Variants in MED15 observed in about 807,000 individuals in gnomAD.
MED15 encodes the protein mediator of RNA polymerase II transcription subunit 15.
In MED15, 41 loss-of-function variants were observed where a neutral mutation model predicts 118.7. The observed-to-expected ratio is 0.35, with a 90% CI of 0.27 to 0.45. The LOEUF (loss-of-function observed/expected upper bound fraction) is 0.45. Ranked by LOEUF, MED15 falls within the 20% of genes least tolerant of loss-of-function variation. The probability of loss-of-function intolerance (pLI) is 1.00; values close to 1 mark genes in which losing one functional copy is unlikely to be tolerated. For synonymous variants in MED15, 436 were observed against 413.9 expected (o/e 1.05, Z -0.65); for missense variants, 740 against 1,025.5 (o/e 0.72, Z 3.80).
At chr22:20,566,938 C>G (rs995275855) in intron 7 of MED15, 121 bp downstream of exon 7, 2 of 1,509,860 alleles carry the variant, frequency 1.3e-6, no homozygotes. Flanking sequence ...TTCAGGCAGC[C>G]CCCACCCCTT....
chr22:20,568,105 T>C (rs2056508927), intron 7 of MED15, among the ~76,000 whole-genome samples: 1 of 152,200 alleles, frequency 6.6e-6, no homozygotes, highest in Non-Finnish European at 1.5e-5. Flanking sequence ...CCTCCCAGAA[T>C]GCTGAGAATA....
chr22:20,585,189 C>T lies in MED15; in HGVS notation c.2053C>T (p.Leu685=), dbSNP rs1436232954. The T allele has an allele frequency of 2.5e-6, 4 of 1,613,698 alleles. No individual in the cohort carries two copies. Among genetic ancestry groups the T allele is most frequent in the Non-Finnish European group, 3.4e-6 (4 of 1,180,022 alleles). ...PSVLQGEVAR[L]DPKFLVNLDP... Reference sequence around the variant, plus strand: ...TGTGCTCCAGGGTGAGGTGGCCAGGCTGGACCCCAAGTTCCTGGTAAACCT... The same window carrying T: ...TGTGCTCCAGGGTGAGGTGGCCAGGTTGGACCCCAAGTTCCTGGTAAACCT... Residue 685 remains leucine (L), a synonymous_variant, in exon 16 of 18, where the codon CTG becomes TTG. Transcript: ENST00000263205.
chr22:20,508,208 G>T (rs2053938272), intron 1 of MED15: 1 of 1,233,648 alleles, frequency 8.1e-7, no homozygotes, highest in Non-Finnish European at 1.0e-6. Flanking sequence ...AGTTGTTTGG[G>T]GTGTGGGCGG....
chr22:20,584,969 C>T lies in MED15; in HGVS notation c.1918C>T (p.Arg640Cys), dbSNP rs760002992. The T allele has an allele frequency of 4.3e-6, 7 of 1,613,930 alleles. No individual in the cohort carries two copies. The highest frequency in any genetic ancestry group is 1.1e-5 in the South Asian group (1 of 91,094). Residue 640 changes from arginine to cysteine, a missense_variant, in exon 15 of 18, where the codon CGC becomes TGC. Physicochemically the swap from Arg to Cys is radical, Grantham distance 180. Transcript: ENST00000263205. ...RSPVFNHSLY[R>C]TFVPAMTAIH... is the part of the protein sequence containing the mutation. ...ACCTGTCTTCAACCATTCCCTGTAC[C>T]GCACATTCGTTCCAGCCATGACCGC...
chr22:20,507,719 C>G lies in MED15; in HGVS notation c.41C>G (p.Ala14Gly). Reference protein sequence around the residue: ...SGQETDWRSTAFRQKLVSQIE... With the variant: ...SGQETDWRSTGFRQKLVSQIE... ...CAAGAGACCGACTGGCGGAGCACCGCCTTCCGGCAGAAGCTGGTCAGTCAA... is the reference window on the plus strand; with the variant it reads ...CAAGAGACCGACTGGCGGAGCACCGGCTTCCGGCAGAAGCTGGTCAGTCAA... The change falls in exon 1 of 18, where the codon GCC (alanine) becomes GGC (glycine). Residue 14 changes from alanine (A) to glycine (G), a missense_variant. By Grantham distance (60) the Ala-to-Gly change is moderately conservative. This residue lies in a region of MED15 where 23 missense variants were observed against 20.2 expected (regional missense o/e 1.14). Transcript: ENST00000263205. The G allele has an allele frequency of 6.2e-7, 1 of 1,614,068 alleles. No homozygotes were observed. The highest frequency in any genetic ancestry group is 1.1e-5 in the South Asian group (1 of 91,088).
chr22:20,528,232 G>A (rs538520226), intron 1 of MED15, among the ~76,000 whole-genome samples: 39 of 152,170 alleles, frequency 2.6e-4, no homozygotes, highest in African/African-American at 9.4e-4. Context: ...GGAGCTTGTC[G>A]ACTGGGAACT....
intron 5 of MED15, among the ~76,000 whole-genome samples, chr22:20,557,274 C>A (rs889262666): frequency 6.6e-6 from 1 of 152,128 alleles, no homozygotes; most frequent in South Asian, 2.1e-4. Context: ...TGTCAGGTTT[C>A]CTCTTCTTTG....
chr22:20,543,586 C>G (rs1372709812), intron 2 of MED15, among the ~76,000 whole-genome samples: 1 of 150,648 alleles, frequency 6.6e-6, no homozygotes, highest in Admixed American at 6.6e-5. Context: ...GAGACTGAGT[C>G]TCACTCTGTC....
At chr22:20,540,168 G>A (rs1378411267) in intron 2 of MED15, among the ~76,000 whole-genome samples, 3 of 152,120 alleles carry the variant, frequency 2.0e-5, no homozygotes, top group Non-Finnish European at 4.4e-5. Flanking sequence ...TTACCCAAGG[G>A]GGGCTGTGGA....
At chr22:20,537,353 C>A in intron 2 of MED15, 149 bp downstream of exon 2, 2 of 620,412 alleles carry the variant, frequency 3.2e-6, no homozygotes, top group Non-Finnish European at 5.5e-6. Context: ...GTTTTGCCTG[C>A]AGCAGTCTGG....
chr22:20,564,368 G>GT (rs2056354840), intron 5 of MED15, 82 bp from the exon 6 acceptor site: 2 of 1,568,092 alleles, frequency 1.3e-6, no homozygotes, highest in Non-Finnish European at 1.7e-6. Flanking sequence ...TTTGCTGGCT[G>GT]TTTTGTCCCT....
intron 5 of MED15, among the ~76,000 whole-genome samples, chr22:20,556,674 G>A (rs146067791): frequency 1.3e-5 from 2 of 151,356 alleles, no homozygotes; most frequent in African/African-American, 4.9e-5. Context: ...ATTTTACCAC[G>A]TGTCAAATCA....
chr22:20,584,721 C>T (rs1463934055), intron 14 of MED15, 134 bp from the exon 15 acceptor site: 6 of 1,145,464 alleles, frequency 5.2e-6, no homozygotes, highest in Non-Finnish European at 7.4e-6. Flanking sequence ...CCAACATTGT[C>T]TGCACAAGGG....
At chr22:20,539,463 A>G (rs2055206192) in intron 2 of MED15, among the ~76,000 whole-genome samples, 1 of 152,232 alleles carries the variant, frequency 6.6e-6, no homozygotes, top group South Asian at 2.1e-4. Flanking sequence ...GCCATATCAC[A>G]TATTTTATAG....
intron 9 of MED15, among the ~76,000 whole-genome samples, chr22:20,581,086 A>AG (rs2056966192): frequency 1.3e-5 from 2 of 152,170 alleles, no homozygotes; most frequent in Admixed American, 1.3e-4. Context: ...CTGTGCTGGA[A>AG]GTACCCTGTT....
At chr22:20,560,609 T>C (rs1358969998) in intron 5 of MED15, among the ~76,000 whole-genome samples, 1 of 152,214 alleles carries the variant, frequency 6.6e-6, no homozygotes, top group East Asian at 1.9e-4. Context: ...TTGCCCAGGC[T>C]GGTCTTGAAT....
chr22:20,507,638 C>T lies in MED15; in HGVS notation c.-41C>T. On this transcript the variant is annotated 5_prime_UTR_variant, in exon 1 of 18. Transcript: ENST00000263205. Reference sequence around the variant, plus strand: ...TCTGTGACTGAGGCGGCGGCGGTGGCGGCCAAGCGGGATACGGGCGGCGGG... The same window carrying T: ...TCTGTGACTGAGGCGGCGGCGGTGGTGGCCAAGCGGGATACGGGCGGCGGG... 1 of 1,612,548 alleles carries T rather than the reference C, an allele frequency of 6.2e-7. No homozygotes were observed. Among genetic ancestry groups the T allele is most frequent in the Non-Finnish European group, 8.5e-7 (1 of 1,178,934 alleles).
intron 1 of MED15, among the ~76,000 whole-genome samples, chr22:20,511,421 G>A (rs1461702016): frequency 6.6e-6 from 1 of 151,794 alleles, no homozygotes; most frequent in Non-Finnish European, 1.5e-5. Flanking sequence ...GAGCCTGGGA[G>A]GTCGAGGCTG....
intron 1 of MED15, among the ~76,000 whole-genome samples, chr22:20,514,684 T>G (rs764699567): frequency 6.6e-6 from 1 of 152,088 alleles, no homozygotes; most frequent in Non-Finnish European, 1.5e-5. Flanking sequence ...AGACGTGAGC[T>G]CCAAGTAAGA....
Sources: allele counts gnomAD v4.1 joint callset (sites outside exome capture counted in the v4.1 genomes callset), GRCh38; gene constraint gnomAD v4.1.1; regional missense constraint gnomAD v4.1.1; transcripts MANE v1.5; gene names NCBI Gene and HGNC (gene_info 2026-07-23, HGNC 2026-07-21).